DRC1: variants seen among roughly 807,000 people sequenced by gnomAD.
The protein encoded by DRC1 is dynein regulatory complex subunit 1.
A neutral mutation model predicts 98.7 loss-of-function variants in DRC1; 74 were observed. The observed-to-expected ratio is 0.75, with a 90% CI of 0.62 to 0.91. The LOEUF is 0.91. Among genes scored for constraint, DRC1 ranks in the 40% least tolerant of loss-of-function variants. The pLI, the probability that DRC1 is intolerant of heterozygous loss-of-function variation, is 0.00. For missense variants in DRC1, 875 were observed against 886.0 expected (o/e 0.99, Z 0.16); for synonymous variants, 336 against 334.1 (o/e 1.01, Z -0.06).
rs1396808138 is a variant in DRC1 at position 26,454,456 on chromosome 2, A to G, written c.1920-191A>G. On this transcript the variant is annotated intron_variant, in intron 14 of 16. Coordinates refer to ENST00000288710, the MANE Select transcript of DRC1 (RefSeq NM_145038.5). The surrounding 1 kb of genome is among the most constrained non-coding windows in gnomAD (Gnocchi z 5.2). ...GCACGGATTATGCCCTCACGAAGGTACCGGTGGTACCGAGGCAGGAACGTT... is the reference window on the plus strand; with the variant it reads ...GCACGGATTATGCCCTCACGAAGGTGCCGGTGGTACCGAGGCAGGAACGTT... Among the ~76,000 whole-genome samples, 3 of 152,162 alleles carry G rather than the reference A, an allele frequency of 2.0e-5. No homozygotes were observed. The highest frequency in any genetic ancestry group is 3.8e-4 in the East Asian group (2 of 5,196).
intron 2 of DRC1, among the ~76,000 whole-genome samples, chr2:26,418,617 T>A (rs1173211787): frequency 1.1e-5 from 1 of 94,094 alleles, no homozygotes; most frequent in East Asian, 2.4e-4. Flanking sequence ...ATAAATTATA[T>A]ATAATATAAA....
Position 26,430,791 on chromosome 2 carries a change from A to T in DRC1, c.684A>T (p.Ala228=), listed in dbSNP as rs751246954. Residue 228 remains alanine, a synonymous_variant, in exon 6 of 17, where the codon GCA becomes GCT. Transcript: ENST00000288710. ...FREELYNIEK[A]FEVERQELLA... is the part of the protein sequence containing the mutation. ...TTTTTCCTTCTTGGTCGTAGAAAGCATTTGAGGTGGAACGCCAAGAGCTAC... is the reference window on the plus strand; with the variant it reads ...TTTTTCCTTCTTGGTCGTAGAAAGCTTTTGAGGTGGAACGCCAAGAGCTAC... 1 of 1,614,028 alleles carries T rather than the reference A, an allele frequency of 6.2e-7. No homozygotes were observed. Among genetic ancestry groups the T allele is most frequent in the Non-Finnish European group, 8.5e-7 (1 of 1,179,944 alleles).
intron 2 of DRC1, among the ~76,000 whole-genome samples, chr2:26,420,407 ATCTG>A: frequency 6.6e-6 from 1 of 151,938 alleles, no homozygotes; most frequent in Non-Finnish European, 1.5e-5. Flanking sequence ...CACTGTCATT[ATCTG>A]CCTCACTGTC....
intron 8 of DRC1, 63 bp downstream of exon 8, chr2:26,440,580 G>A (rs1307713437): frequency 4.0e-6 from 6 of 1,498,078 alleles, no homozygotes; most frequent in Non-Finnish European, 4.5e-6. Flanking sequence ...GGATGGATAT[G>A]TACTTTTTTC....
In DRC1 at chr2:26,402,123, C is replaced by G; in HGVS notation, c.134C>G (p.Ala45Gly). The change falls in exon 1 of 17, where the codon GCG (alanine) becomes GGG (glycine). Residue 45 changes from alanine to glycine, a missense_variant. Transcript: ENST00000288710. ...CAGGCCCGGCGCCTCCGCATCGCTG[C>G]GCGCTTAGAAGCCCGGAGGCGGTGA... ...RIQARRLRIA[A>G]RLEARRREAL... is the part of the protein sequence containing the mutation. The G allele has an allele frequency of 6.2e-7, 1 of 1,610,124 alleles. No homozygotes were observed. Among genetic ancestry groups the G allele is most frequent in the Non-Finnish European group, 8.5e-7 (1 of 1,178,756 alleles).
rs372104812 is a variant in DRC1, at chr2:26,440,535, G to A, written c.1028+18G>A. 6.3e-5 allele frequency: 101 copies of A among 1,604,808 alleles called. No homozygotes were observed. The highest frequency in any genetic ancestry group is 8.4e-5 in the Non-Finnish European group (99 of 1,174,928). Reference sequence around the variant, plus strand: ...ATCAATCGGTAAGCTAGCATGCAGAGCGTCTTTCTTCTGGGCCTTCTGTGC... The same window carrying A: ...ATCAATCGGTAAGCTAGCATGCAGAACGTCTTTCTTCTGGGCCTTCTGTGC... On this transcript the variant is annotated intron_variant, in intron 8 of 16. Transcript: ENST00000288710.
intron 7 of DRC1, among the ~76,000 whole-genome samples, chr2:26,438,894 C>T (rs562541144): frequency 6.6e-6 from 1 of 152,288 alleles, no homozygotes; most frequent in South Asian, 2.1e-4. Context: ...CCCATTCCTG[C>T]ATTTCACTCG....
At chr2:26,432,562 A>AAAGG (rs1332818405) in intron 7 of DRC1, among the ~76,000 whole-genome samples, 3 of 148,154 alleles carry the variant, frequency 2.0e-5, no homozygotes, top group African/African-American at 7.6e-5. Context: ...AGAAAGGAAG[A>AAAGG]AAGGAAGGAA....
chr2:26,448,544 TC>T, intron 10 of DRC1, 146 bp from the exon 11 acceptor site: 1 of 854,402 alleles, frequency 1.2e-6, no homozygotes, highest in South Asian at 1.5e-5. Context: ...GCTTTTTTCA[TC>T]ATAAAGAGAC....
chr2:26,429,655 G>A lies in DRC1; in HGVS notation c.568G>A (p.Val190Met). 3.7e-6 allele frequency: 6 copies of A among 1,614,162 alleles called. No individual in the cohort carries two copies. Among genetic ancestry groups the A allele is most frequent in the Non-Finnish European group, 5.1e-6 (6 of 1,180,016 alleles). The stretch of plus-strand genomic sequence containing the variant: ...GTTAAAAACAAAGGATGACCAGTAT[G>A]TGAAGGATTTGAAGAAACAGTCAGA... ...QELKTKDDQY[V>M]KDLKKQSDDI... is the part of the protein sequence containing the mutation. The change falls in exon 5 of 17, where the codon GTG (valine) becomes ATG (methionine). Residue 190 changes from valine to methionine, a missense_variant. Transcript: ENST00000288710.
intron 16 of DRC1, 113 bp from the exon 17 acceptor site, chr2:26,456,345 AGAG>A (rs1231975011): frequency 7.9e-7 from 1 of 1,258,616 alleles, no homozygotes; most frequent in Non-Finnish European, 1.1e-6. Flanking sequence ...TCAGCTTTGG[AGAG>A]GAGATGCGTG....
rs1220756839 is a variant in DRC1 at position 26,421,336 on chromosome 2, C to T, written c.292C>T (p.Gln98Ter). 1 of 1,613,568 alleles carries T rather than the reference C, an allele frequency of 6.2e-7. No individual in the cohort carries two copies. Among genetic ancestry groups the T allele is most frequent in the South Asian group, 1.1e-5 (1 of 91,058 alleles). The change falls in exon 3 of 17, where the codon CAG becomes TAG. Residue 98 changes from glutamine (Q) to a stop codon, truncating the protein, a stop_gained. Coordinates refer to ENST00000288710, the MANE Select transcript of DRC1 (RefSeq NM_145038.5). LOFTEE classifies it high-confidence loss of function. ...LCGTELVTNI[Q>*]VAIDIREIHR... ...TGGCACCGAGTTGGTGACAAATATC[C>T]AGGTGGCTATAGATATCAGAGAGAT...
At chr2:26,402,165 G>T (rs1199059948) in intron 1 of DRC1, 21 bp downstream of exon 1, 1 of 1,561,554 alleles carries the variant, frequency 6.4e-7, no homozygotes, top group Non-Finnish European at 8.6e-7. Flanking sequence ...GGGCGGGCGG[G>T]GCGGGATCCG....
At position 26,444,479 on chromosome 2, in the gene DRC1, C is replaced by A. The variant is rs192583463; in HGVS notation, c.1163+123C>A. ...AGCTATTCTGGGGCTGGACCAGGCA[C>A]TAGTTAACCTTTTGTGGTGTGTTCC... On this transcript the variant is annotated intron_variant, in intron 9 of 16. Transcript: ENST00000288710. 1.6e-3 allele frequency: 2,157 copies of A among 1,342,588 alleles called. 20 individuals carry two copies. Among genetic ancestry groups the A allele is most frequent in the Non-Finnish European group, 6.2e-4 (619 of 995,032 alleles). The allele number at this position is 1,342,588 out of a possible 1,614,324, so 83.2% of individuals were successfully genotyped here.
chr2:26,444,912 G>A lies in DRC1; in HGVS notation c.1360G>A (p.Ala454Thr), dbSNP rs202139054. 13 of 1,613,986 alleles carry A rather than the reference G, an allele frequency of 8.1e-6. No homozygotes were observed. The highest frequency in any genetic ancestry group is 6.7e-5 in the East Asian group (3 of 44,896). The change falls in exon 10 of 17, where the codon GCC becomes ACC. Residue 454 changes from alanine to threonine, a missense_variant. By Grantham distance (58) the Ala-to-Thr change is moderately conservative (BLOSUM62 0). Transcript: ENST00000288710. ...TATTTCTCAGCAGCCCCAGAAGTCC[G>A]CCACACAGATAGTAGAAGAAATGCT... ...GPISQQPQKS[A>T]TQIVEEMLMR...
chr2:26,421,418 C>A lies in DRC1; in HGVS notation c.356+18C>A. On this transcript the variant is annotated intron_variant, in intron 3 of 16. Transcript: ENST00000288710. ...CGTCAAAGGTAAGGACTGTGCTACTCTGCAGCTGGTGGACATGAAGGTAAT... is the reference window on the plus strand; with the variant it reads ...CGTCAAAGGTAAGGACTGTGCTACTATGCAGCTGGTGGACATGAAGGTAAT... The A allele has an allele frequency of 6.2e-7, 1 of 1,605,084 alleles. No individual in the cohort carries two copies. The highest frequency in any genetic ancestry group is 1.1e-5 in the South Asian group (1 of 90,358).
Position 26,455,224 on chromosome 2 carries a change from G to T in DRC1, c.2157G>T (p.Leu719=). The T allele has an allele frequency of 6.2e-7, 1 of 1,613,168 alleles. No homozygotes were observed. The highest frequency in any genetic ancestry group is 1.1e-5 in the South Asian group (1 of 91,044). ...TGCAGGCGCTACTGCAGCAGTATCTGAACTCCAAGGTGGGCGGCGGGGCCT... is the reference window on the plus strand; with the variant it reads ...TGCAGGCGCTACTGCAGCAGTATCTTAACTCCAAGGTGGGCGGCGGGGCCT... ...TELQALLQQY[L]NSKINSELQV... The change falls in exon 16 of 17, where the codon CTG becomes CTT. Residue 719 remains leucine, a synonymous_variant. Coordinates refer to ENST00000288710, the MANE Select transcript of DRC1 (RefSeq NM_145038.5).
chr2:26,409,879 A>C (rs563312662), intron 1 of DRC1, among the ~76,000 whole-genome samples: 98 of 152,298 alleles, frequency 6.4e-4, no homozygotes, highest in African/African-American at 2.3e-3. Flanking sequence ...AAAGTCTTTA[A>C]CATGAATGGT....
intron 1 of DRC1, among the ~76,000 whole-genome samples, chr2:26,406,068 C>T (rs1048886024): frequency 2.0e-5 from 3 of 152,006 alleles, no homozygotes; most frequent in East Asian, 3.9e-4. Flanking sequence ...TGAGTCTGTG[C>T]GAGCCTGGAA....
Sources: allele counts gnomAD v4.1 joint callset (sites outside exome capture counted in the v4.1 genomes callset), GRCh38; gene constraint gnomAD v4.1.1; non-coding constraint Gnocchi (gnomAD v3.1); transcripts MANE v1.5; gene names NCBI Gene and HGNC (gene_info 2026-07-23, HGNC 2026-07-21).